KIT: variants seen among roughly 807,000 people sequenced by gnomAD.
KIT encodes the protein KIT proto-oncogene, receptor tyrosine kinase.
KIT carries 16 observed loss-of-function variants against 105.7 expected under a neutral mutation model. The observed-to-expected ratio is 0.15, with a 90% CI of 0.10 to 0.23. The LOEUF (loss-of-function observed/expected upper bound fraction) is 0.23, where lower values mean the gene tolerates loss of function less well. Among genes scored for constraint, KIT ranks in the 10% least tolerant of loss-of-function variants. The pLI is 1.00. For missense variants in KIT, 858 were observed against 1,213.8 expected, an observed-to-expected ratio of 0.71 and a Z score of 4.36; for synonymous variants, 438 against 441.1, an observed-to-expected ratio of 0.99 and a Z score of 0.09.
chr4:54,739,487 C>T lies in KIT; in HGVS notation c.*930C>T, dbSNP rs547783802. 1.4e-4 allele frequency: 33 copies of T among 233,366 alleles called. No individual in the cohort carries two copies. The highest frequency in any genetic ancestry group is 2.6e-4 in the Non-Finnish European group (31 of 117,880). The allele number at this position is 233,366 out of a possible 1,614,324, so 14.5% of individuals were successfully genotyped here. ...AACAAGCCTATCAGCTTCAGAATGGCATTGTACTCAATGGATTTGATGCTG... is the reference window on the plus strand; with the variant it reads ...AACAAGCCTATCAGCTTCAGAATGGTATTGTACTCAATGGATTTGATGCTG... On this transcript the variant is annotated 3_prime_UTR_variant, in exon 21 of 21. Coordinates refer to ENST00000288135, the MANE Select transcript of KIT (RefSeq NM_000222.3).
At chr4:54,687,875 T>G (rs1719429884) in intron 1 of KIT, among the ~76,000 whole-genome samples, 1 of 152,204 alleles carries the variant, frequency 6.6e-6, no homozygotes, top group African/African-American at 2.4e-5. Context: ...CCTCTTGATG[T>G]TTTATTTCAT....
chr4:54,679,770 A>G (rs751602311), intron 1 of KIT, among the ~76,000 whole-genome samples: 25 of 152,242 alleles, frequency 1.6e-4, no homozygotes, highest in Non-Finnish European at 3.4e-4. Context: ...TATTAATAAA[A>G]TGTCAAGACG....
chr4:54,740,193 T>C lies in KIT; in HGVS notation c.*1636T>C. On this transcript the variant is annotated 3_prime_UTR_variant, in exon 21 of 21. Transcript: ENST00000288135. ...CATTTAGAGAACTGTGGCCGTTATC[T>C]GGAAGTAACCATTTGCACTGGAGTT... is the stretch of plus-strand genomic sequence containing the variant. 1 of 233,658 alleles carries C rather than the reference T, an allele frequency of 4.3e-6. No homozygotes were observed. The allele number at this position is 233,658 out of a possible 1,614,324, so 14.5% of individuals were successfully genotyped here.
chr4:54,667,163 ATTGG>A (rs970816659), intron 1 of KIT, among the ~76,000 whole-genome samples: 3 of 152,086 alleles, frequency 2.0e-5, no homozygotes, highest in Admixed American at 1.3e-4. Flanking sequence ...TCAGGGGTGG[ATTGG>A]TTACCCACCA....
At chr4:54,660,499 A>AT (rs200836928) in intron 1 of KIT, among the ~76,000 whole-genome samples, 4 of 151,584 alleles carry the variant, frequency 2.6e-5, no homozygotes, top group Admixed American at 6.6e-5. Context: ...ACTCATTCCC[A>AT]TTTTTTTTCT....
At chr4:54,717,188 GA>G (rs1049905846) in intron 7 of KIT, among the ~76,000 whole-genome samples, 8 of 150,746 alleles carry the variant, frequency 5.3e-5, no homozygotes, top group South Asian at 4.2e-4. Context: ...GTTTAAATTG[GA>G]AAAAAAAAGA....
Position 54,728,019 on chromosome 4 carries a change from C to T in KIT, c.1888C>T (p.His630Tyr), listed in dbSNP as rs868619950. Reference protein sequence around the residue: ...VAVKMLKPSAHLTEREALMSE... With the variant: ...VAVKMLKPSAYLTEREALMSE... Reference sequence around the variant, plus strand: ...CATGTTTCCAATTTTAGCGAGTGCCCATTTGACAGAACGGGAAGCCCTCAT... The same window carrying T: ...CATGTTTCCAATTTTAGCGAGTGCCTATTTGACAGAACGGGAAGCCCTCAT... Residue 630 changes from histidine (H) to tyrosine (Y), a missense_variant, in exon 13 of 21, where the codon CAT (histidine) becomes TAT (tyrosine). Coordinates refer to ENST00000288135, the MANE Select transcript of KIT (RefSeq NM_000222.3). 6.2e-7 allele frequency: 1 copy of T among 1,613,904 alleles called. No individual in the cohort carries two copies. Among genetic ancestry groups the T allele is most frequent in the Non-Finnish European group, 8.5e-7 (1 of 1,179,850 alleles).
chr4:54,662,383 G>A (rs1366042912), intron 1 of KIT, among the ~76,000 whole-genome samples: 4 of 152,104 alleles, frequency 2.6e-5, no homozygotes, highest in Admixed American at 6.5e-5. Context: ...GTGACTTTCG[G>A]CAGATTACTT....
intron 1 of KIT, among the ~76,000 whole-genome samples, chr4:54,685,582 C>T (rs1272728189): frequency 2.6e-5 from 4 of 152,122 alleles, no homozygotes; most frequent in African/African-American, 9.7e-5. Context: ...CTTGCACTGT[C>T]CTTCACTGCT....
At position 54,695,743 on chromosome 4, in the gene KIT, A is replaced by C; in HGVS notation, c.299A>C (p.Lys100Thr). The stretch of plus-strand genomic sequence containing the variant: ...ACCGGCAAATACACGTGCACCAACA[A>C]ACACGGCTTAAGCAATTCCATTTAT... ...TNTGKYTCTN[K>T]HGLSNSIYVF... The change falls in exon 2 of 21, where the codon AAA becomes ACA. Residue 100 changes from lysine (K) to threonine (T), a missense_variant. Lys to Thr is a moderately conservative substitution (Grantham distance 78, BLOSUM62 -1). Coordinates refer to ENST00000288135, the MANE Select transcript of KIT (RefSeq NM_000222.3). 6.2e-7 allele frequency: 1 copy of C among 1,614,256 alleles called. No homozygotes were observed. Among genetic ancestry groups the C allele is most frequent in the Non-Finnish European group, 8.5e-7 (1 of 1,180,040 alleles).
In KIT at chr4:54,728,223, T is replaced by C. The variant is rs1047035137; in HGVS notation, c.1990+102T>C. 1.5e-5 allele frequency: 12 copies of C among 825,266 alleles called. No individual in the cohort carries two copies. The Admixed American group carries it at 2.4e-4, about 16-fold the overall frequency. 51.1% of individuals were successfully genotyped at this position (825,266 alleles called of 1,614,324 possible). ...GCTAGATTATAAACTGCTTGGAAGA[T>C]TTTTTTACCCAGACTGTTGTTCTCT... On this transcript the variant is annotated intron_variant, in intron 13 of 20. Transcript: ENST00000288135.
At chr4:54,709,643 T>A in intron 7 of KIT, 104 bp downstream of exon 7, 1 of 767,466 alleles carries the variant, frequency 1.3e-6, no homozygotes, top group Non-Finnish European at 2.3e-6. Context: ...GTAAATAACG[T>A]TTCATGATAA....
At chr4:54,665,225 C>A (rs913149323) in intron 1 of KIT, among the ~76,000 whole-genome samples, 5 of 152,124 alleles carry the variant, frequency 3.3e-5, no homozygotes, top group Non-Finnish European at 4.4e-5. Flanking sequence ...AATTTTCTTC[C>A]TTTTTAAGAC....
At chr4:54,675,536 A>G (rs747659112) in intron 1 of KIT, among the ~76,000 whole-genome samples, 1 of 152,152 alleles carries the variant, frequency 6.6e-6, no homozygotes, top group African/African-American at 2.4e-5. Context: ...GAATAAACCA[A>G]TTTTGTCCAT....
chr4:54,733,885 A>G (rs1454126511), intron 17 of KIT, among the ~76,000 whole-genome samples: 1 of 152,162 alleles, frequency 6.6e-6, no homozygotes, highest in Non-Finnish European at 1.5e-5. Context: ...TCGCCATGGA[A>G]AACCATATTG....
intron 1 of KIT, among the ~76,000 whole-genome samples, chr4:54,662,536 C>T (rs1194003601): frequency 6.6e-6 from 1 of 152,134 alleles, no homozygotes; most frequent in African/African-American, 2.4e-5. Context: ...ATAATGCCTA[C>T]TCTTTTAAGA....
intron 7 of KIT, among the ~76,000 whole-genome samples, chr4:54,721,156 C>A (rs898712727): frequency 6.6e-6 from 1 of 152,150 alleles, no homozygotes; most frequent in Non-Finnish European, 1.5e-5. Flanking sequence ...TCGAGAACAT[C>A]GAGTCTGATG....
Position 54,736,477 on chromosome 4 carries a change from T to C in KIT, c.2485-21T>C, listed in dbSNP as rs780720858. On this transcript the variant is annotated intron_variant, in intron 17 of 20. Coordinates refer to ENST00000288135, the MANE Select transcript of KIT (RefSeq NM_000222.3). ...GAGCTTCTGAATTAACATTATTGAC[T>C]CTGTTGTGCTTCTATTACAGGCTCG... The C allele has an allele frequency of 6.6e-6, 10 of 1,508,520 alleles. No individual in the cohort carries two copies. The Admixed American group carries it at 1.3e-4, about 20-fold the overall frequency. The allele number at this position is 1,508,520 out of a possible 1,614,324, so 93.4% of individuals were successfully genotyped here.
chr4:54,739,338 A>T lies in KIT; in HGVS notation c.*781A>T, dbSNP rs909330595. 1.3e-5 allele frequency: 3 copies of T among 235,176 alleles called. No homozygotes were observed. The highest frequency in any genetic ancestry group is 2.5e-5 in the Non-Finnish European group (3 of 119,266). The allele number at this position is 235,176 out of a possible 1,614,324, so 14.6% of individuals were successfully genotyped here. On this transcript the variant is annotated 3_prime_UTR_variant, in exon 21 of 21. Transcript: ENST00000288135. ...TGTCCACTGTGTATAGAAGTAGATT[A>T]AGAGCCATATAAGTTTGAAGGAAAC...
Sources: gnomAD v4.1 joint callset for allele counts (sites outside exome capture counted in the v4.1 genomes callset) on GRCh38, gnomAD v4.1.1 for gene constraint, MANE v1.5 for transcripts, NCBI Gene and HGNC (gene_info 2026-07-23, HGNC 2026-07-21) for gene names.